Variants in SLIT1 observed in about 807,000 individuals in gnomAD.
SLIT1 encodes the protein slit guidance ligand 1, also known as slit homolog 1 protein.
In SLIT1, 66 loss-of-function variants were observed where a neutral mutation model predicts 186.1. The ratio of observed to expected loss-of-function variants is 0.35; its 90% CI spans 0.29 to 0.44. SLIT1 has a LOEUF of 0.44. SLIT1 is among the 20% of genes least tolerant of loss of function. SLIT1 has a pLI of 1.00. For synonymous variants in SLIT1, 761 were observed against 833.8 expected, an observed-to-expected ratio of 0.91 and a Z score of 1.50; for missense variants, 1,638 against 2,037.4, an observed-to-expected ratio of 0.80 and a Z score of 3.77.
At chr10:97,166,525 AAG>A (rs1491245752) in intron 1 of SLIT1, among the ~76,000 whole-genome samples, 5 of 49,880 alleles carry the variant, frequency 1.0e-4, no homozygotes, top group African/African-American at 2.9e-4. Flanking sequence ...TCCAAAAAAA[AAG>A]AAAGAAGGAA....
intron 1 of SLIT1, among the ~76,000 whole-genome samples, chr10:97,180,992 C>T (rs985469426): frequency 8.5e-5 from 13 of 152,322 alleles, no homozygotes; most frequent in African/African-American, 2.6e-4. Flanking sequence ...GAGAGAAGGG[C>T]GAACACCAGC....
rs1482570682 is a variant in SLIT1, at chr10:97,034,470, CAG to C, written c.2437_2438del (p.Leu813AspfsTer30). The stretch of plus-strand genomic sequence containing the variant: ...CCCACCCCAGCCCTGCTGGGACTCA[CAG>C]AGTGGTCAGCTGGCTCATGTTGGTG... ...SFTNMSQLTT[L>X]ILSYNALQCI... On this transcript the variant is annotated frameshift_variant and splice_region_variant, in exon 23 of 37. Coordinates refer to ENST00000266058, the MANE Select transcript of SLIT1 (RefSeq NM_003061.3). LOFTEE classifies it high-confidence loss of function. 6.2e-7 allele frequency: 1 copy of C among 1,612,636 alleles called. No individual in the cohort carries two copies. The highest frequency in any genetic ancestry group is 1.7e-5 in the Admixed American group (1 of 60,020).
At chr10:97,066,600 C>G (rs1848948914) in intron 4 of SLIT1, among the ~76,000 whole-genome samples, 1 of 152,102 alleles carries the variant, frequency 6.6e-6, no homozygotes. Context: ...CCCCTCCATT[C>G]TCCCTCTCCT....
chr10:97,069,903 A>G (rs770582356), intron 4 of SLIT1, among the ~76,000 whole-genome samples: 1 of 152,156 alleles, frequency 6.6e-6, no homozygotes, highest in Non-Finnish European at 1.5e-5. Flanking sequence ...ACGGTAATGG[A>G]TAACCTCCGA....
At position 97,185,856 on chromosome 10, in the gene SLIT1, C is replaced by T. The variant is rs1850408252; in HGVS notation, c.-182G>A. The T allele has an allele frequency of 1.9e-6, 1 of 531,834 alleles. No homozygotes were observed. Among genetic ancestry groups the T allele is most frequent in the Non-Finnish European group, 3.2e-6 (1 of 316,976 alleles). The allele number at this position is 531,834 out of a possible 1,614,324, so 32.9% of individuals were successfully genotyped here. On this transcript the variant is annotated 5_prime_UTR_variant, in exon 1 of 37. Transcript: ENST00000266058. ...CCAAGCGACGGCGCCTGTGCGCGGA[C>T]GGAGGGAGGGCGCCTTGGGCGGAGG...
chr10:97,108,056 C>T (rs573115904), intron 4 of SLIT1, among the ~76,000 whole-genome samples: 30 of 152,346 alleles, frequency 2.0e-4, no homozygotes, highest in African/African-American at 6.5e-4. Context: ...TCTGCCCCAG[C>T]GTTCACTGCC....
chr10:97,047,567 T>C, intron 16 of SLIT1, 123 bp downstream of exon 16: 1 of 1,016,836 alleles, frequency 9.8e-7, no homozygotes, highest in Non-Finnish European at 1.5e-6. Flanking sequence ...TGGTATGTCC[T>C]GAGCCAGAGG....
At chr10:97,149,933 G>C (rs1159070610) in intron 4 of SLIT1, among the ~76,000 whole-genome samples, 1 of 152,198 alleles carries the variant, frequency 6.6e-6, no homozygotes, top group Non-Finnish European at 1.5e-5. Context: ...TGTTAAATGG[G>C]CTGAATAGTC....
At chr10:97,129,782 G>T (rs1470486570) in intron 4 of SLIT1, among the ~76,000 whole-genome samples, 1 of 152,092 alleles carries the variant, frequency 6.6e-6, no homozygotes, top group East Asian at 1.9e-4. Context: ...ATCGGGTACC[G>T]GGCATGGAGT....
chr10:97,119,028 C>T (rs1342140704), intron 4 of SLIT1, among the ~76,000 whole-genome samples: 2 of 152,238 alleles, frequency 1.3e-5, no homozygotes, highest in African/African-American at 2.4e-5. Flanking sequence ...GAAGTTTCCA[C>T]GCAGCCCAGC....
At chr10:97,038,712 C>G (rs919031339) in intron 21 of SLIT1, among the ~76,000 whole-genome samples, 1 of 152,158 alleles carries the variant, frequency 6.6e-6, no homozygotes, top group Non-Finnish European at 1.5e-5. Flanking sequence ...AGCTCTCCCC[C>G]ACTTCCCAAA....
At chr10:97,094,824 T>C (rs1229862219) in intron 4 of SLIT1, among the ~76,000 whole-genome samples, 1 of 152,256 alleles carries the variant, frequency 6.6e-6, no homozygotes, top group Non-Finnish European at 1.5e-5. Context: ...TGTCATCTTA[T>C]CAGTTTTTTC....
chr10:97,179,545 TGA>T (rs1203331509), intron 1 of SLIT1, among the ~76,000 whole-genome samples: 2 of 152,240 alleles, frequency 1.3e-5, no homozygotes, highest in Admixed American at 1.3e-4. Flanking sequence ...CGGTAGGTGA[TGA>T]AGCCAGGATT....
intron 5 of SLIT1, 60 bp from the exon 6 acceptor site, chr10:97,064,936 A>C: frequency 7.3e-7 from 1 of 1,376,330 alleles, no homozygotes; most frequent in Non-Finnish European, 1.0e-6. Flanking sequence ...AGGGTGTCCA[A>C]ACATTCTGAC....
At chr10:97,079,236 G>C (rs1470655692) in intron 4 of SLIT1, among the ~76,000 whole-genome samples, 5 of 152,158 alleles carry the variant, frequency 3.3e-5, no homozygotes, top group African/African-American at 1.2e-4. Flanking sequence ...ACTAATCTAT[G>C]CTGTTGGAAG....
intron 4 of SLIT1, among the ~76,000 whole-genome samples, chr10:97,120,176 T>C (rs1377663537): frequency 6.6e-6 from 1 of 151,860 alleles, no homozygotes; most frequent in Non-Finnish European, 1.5e-5. Context: ...GCTAGTAAGG[T>C]GCAGGGTCAG....
Position 97,040,041 on chromosome 10 carries a change from G to T in SLIT1, c.2244C>A (p.Ser748Arg). ...CACLDTVVRC[S>R]NKHLRALPKG... ...TGGGCAGGGCCCGCAGGTGCTTGTTGCTGCATCGGACCACGGTGTCCAGGC... is the reference window on the plus strand; with the variant it reads ...TGGGCAGGGCCCGCAGGTGCTTGTTTCTGCATCGGACCACGGTGTCCAGGC... Residue 748 changes from serine to arginine, a missense_variant, in exon 21 of 37, where the codon AGC (serine) becomes AGA (arginine). Transcript: ENST00000266058. The T allele has an allele frequency of 6.2e-7, 1 of 1,613,462 alleles. No individual in the cohort carries two copies. Among genetic ancestry groups the T allele is most frequent in the Non-Finnish European group, 8.5e-7 (1 of 1,179,682 alleles).
intron 4 of SLIT1, among the ~76,000 whole-genome samples, chr10:97,092,004 T>C (rs913349131): frequency 1.3e-5 from 2 of 152,250 alleles, no homozygotes; most frequent in Non-Finnish European, 2.9e-5. Context: ...GGCTAACCAT[T>C]GCCTCATCTT....
At chr10:97,024,737 T>A (rs9665532) in intron 25 of SLIT1, among the ~76,000 whole-genome samples, 43,115 of 152,186 alleles carry the variant, frequency 0.28, 8,214 homozygotes, top group African/African-American at 0.54. Flanking sequence ...AATGTATTTC[T>A]AAGTATTTTT....
Sources: allele counts gnomAD v4.1 joint callset (sites outside exome capture counted in the v4.1 genomes callset), GRCh38; gene constraint gnomAD v4.1.1; transcripts MANE v1.5; gene names NCBI Gene and HGNC (gene_info 2026-07-23, HGNC 2026-07-21).